CCSER1: variants seen among roughly 807,000 people sequenced by gnomAD.
CCSER1 encodes coiled-coil serine rich protein 1.
Under a neutral mutation model 82.0 loss-of-function variants are expected in CCSER1, and 41 were observed. The ratio of observed to expected loss-of-function variants is 0.50; its 90% CI spans 0.39 to 0.65. The LOEUF is 0.65. Ranked by LOEUF, CCSER1 falls within the 30% of genes least tolerant of loss-of-function variation. The pLI is 0.00. For missense variants in CCSER1, 1,119 were observed against 1,064.2 expected (o/e 1.05, Z -0.72); for synonymous variants, 414 against 383.9 (o/e 1.08, Z -0.92).
chr4:91,084,030 A>G (rs943128851), intron 9 of CCSER1, among the ~76,000 whole-genome samples: 5 of 152,110 alleles, frequency 3.3e-5, no homozygotes, highest in Admixed American at 2.0e-4. Flanking sequence ...TTCTGGGTTC[A>G]AGCTATTCTC....
chr4:90,631,881 G>A (rs1402161766), intron 6 of CCSER1, among the ~76,000 whole-genome samples: 1 of 152,102 alleles, frequency 6.6e-6, no homozygotes, highest in Non-Finnish European at 1.5e-5. Flanking sequence ...TTTGGGCTAT[G>A]TCTATAAAGT....
chr4:91,356,446 A>G (rs925728333), intron 10 of CCSER1, among the ~76,000 whole-genome samples: 7 of 152,264 alleles, frequency 4.6e-5, no homozygotes, highest in African/African-American at 1.4e-4. Context: ...TTGATCTGGT[A>G]TTCCTTGTGG....
chr4:90,334,243 G>A (rs902738729), intron 3 of CCSER1, among the ~76,000 whole-genome samples: 1 of 152,110 alleles, frequency 6.6e-6, no homozygotes, highest in African/African-American at 2.4e-5. Flanking sequence ...AGATAGAGAA[G>A]AGCTAGGCCA....
chr4:91,229,285 C>A, intron 10 of CCSER1, among the ~76,000 whole-genome samples: 1 of 80,260 alleles, frequency 1.2e-5, no homozygotes, highest in Non-Finnish European at 2.3e-5. Context: ...AAACAAAAAC[C>A]TGCAAAAAAA....
At chr4:91,464,774 G>A (rs1398428101) in intron 10 of CCSER1, among the ~76,000 whole-genome samples, 1 of 152,126 alleles carries the variant, frequency 6.6e-6, no homozygotes, top group African/African-American at 2.4e-5. Flanking sequence ...TTACATAATG[G>A]TAAAGGGATC....
At chr4:90,888,925 A>G (rs777727500) in intron 8 of CCSER1, among the ~76,000 whole-genome samples, 4 of 152,176 alleles carry the variant, frequency 2.6e-5, no homozygotes. Context: ...TTGACTAGAA[A>G]TTTCATGGAT....
rs547091571 is a variant in CCSER1, at chr4:91,135,433, A to G, written c.2217+49439A>G. 5.7e-4 allele frequency among the ~76,000 whole-genome samples: 87 copies of G among 152,330 alleles called. 1 individual carries two copies. The South Asian group carries it at 0.017, about 31-fold the overall frequency. ...ACTGTCCACAAAGGGAATTATTGGA[A>G]TAATTGTTAAAATTTGAATGGAGTC... On this transcript the variant is annotated intron_variant, in intron 10 of 10. Coordinates refer to ENST00000509176, the MANE Select transcript of CCSER1 (RefSeq NM_001145065.2).
intron 10 of CCSER1, among the ~76,000 whole-genome samples, chr4:91,441,682 T>C (rs1373751138): frequency 6.6e-6 from 1 of 152,158 alleles, no homozygotes; most frequent in Non-Finnish European, 1.5e-5. Flanking sequence ...AGTCAAATTG[T>C]CCCTGTTTGC....
chr4:91,153,648 C>T (rs1388103076), intron 10 of CCSER1, among the ~76,000 whole-genome samples: 1 of 151,796 alleles, frequency 6.6e-6, no homozygotes, highest in Admixed American at 6.6e-5. Context: ...GTTTTATCTA[C>T]CATTGGTCTT....
At chr4:91,024,165 C>G (rs1005867310) in intron 9 of CCSER1, among the ~76,000 whole-genome samples, 14 of 152,104 alleles carry the variant, frequency 9.2e-5, no homozygotes, top group Non-Finnish European at 1.9e-4. Context: ...CCAATCAGCT[C>G]TTAAACCCCC....
chr4:90,251,565 GA>G (rs1162109378), intron 1 of CCSER1, among the ~76,000 whole-genome samples: 29 of 151,814 alleles, frequency 1.9e-4, no homozygotes, highest in Admixed American at 1.6e-3. Context: ...TAGATTTCTG[GA>G]AAAATTCCAC....
chr4:90,481,992 A>G (rs898869240), intron 5 of CCSER1, among the ~76,000 whole-genome samples: 50 of 152,274 alleles, frequency 3.3e-4, no homozygotes, highest in African/African-American at 1.1e-3. Context: ...CTGTGAATCC[A>G]TCTGGTCCTG....
chr4:90,449,867 G>T (rs1257753069), intron 4 of CCSER1, among the ~76,000 whole-genome samples: 1 of 152,168 alleles, frequency 6.6e-6, no homozygotes, highest in South Asian at 2.1e-4. Context: ...TACCAAGGAG[G>T]GTGAGGCTCT....
At chr4:91,005,840 ATG>A (rs200121426) in intron 9 of CCSER1, among the ~76,000 whole-genome samples, 306 of 152,256 alleles carry the variant, frequency 2.0e-3, no homozygotes, top group Middle Eastern at 6.8e-3. Context: ...TTCTTTTCCA[ATG>A]TGTGTTCTTA....
chr4:90,802,565 GTAA>G (rs1230456767), intron 7 of CCSER1, among the ~76,000 whole-genome samples: 4 of 131,770 alleles, frequency 3.0e-5, no homozygotes, highest in Admixed American at 3.0e-4. Flanking sequence ...GCATCAAGTA[GTAA>G]TTATTAATGC....
chr4:90,887,530 G>T (rs531449657), intron 8 of CCSER1, among the ~76,000 whole-genome samples: 2 of 151,920 alleles, frequency 1.3e-5, no homozygotes, highest in Non-Finnish European at 2.9e-5. Flanking sequence ...TCATATATTC[G>T]GGAACCTCAG....
intron 7 of CCSER1, among the ~76,000 whole-genome samples, chr4:90,744,023 C>G (rs1308934566): frequency 6.6e-6 from 1 of 152,144 alleles, no homozygotes; most frequent in African/African-American, 2.4e-5. Flanking sequence ...GAACAATTAA[C>G]AAGCATTAAT....
chr4:90,219,918 A>G (rs1741809037), intron 1 of CCSER1, among the ~76,000 whole-genome samples: 1 of 152,174 alleles, frequency 6.6e-6, no homozygotes, highest in South Asian at 2.1e-4. Context: ...GTAAAATATT[A>G]TTAAGAACTT....
chr4:91,577,185 G>GAT lies in CCSER1; in HGVS notation c.2218-21386_2218-21385dup, dbSNP rs1763491265. 4.0e-5 allele frequency among the ~76,000 whole-genome samples: 6 copies of GAT among 151,812 alleles called. No homozygotes were observed. The Admixed American group carries it at 4.0e-4, about 10-fold the overall frequency. ...TTTTTTTAAATGTGGTTTCCTCTGA[G>GAT]ATTATCTGCTTAGCTCAAAGTTCAG... is the stretch of plus-strand genomic sequence containing the variant. On this transcript the variant is annotated intron_variant, in intron 10 of 10. Transcript: ENST00000509176.
Sources: gnomAD v4.1 joint callset for allele counts (sites outside exome capture counted in the v4.1 genomes callset) on GRCh38, gnomAD v4.1.1 for gene constraint, MANE v1.5 for transcripts, NCBI Gene and HGNC (gene_info 2026-07-23, HGNC 2026-07-21) for gene names.